GPATCH2: variants seen among roughly 807,000 people sequenced by gnomAD.
GPATCH2 encodes the protein G-patch domain containing 2, also known as G patch domain-containing protein 2.
GPATCH2 carries 51 observed loss-of-function variants against 58.0 expected under a neutral mutation model. That is an observed-to-expected ratio of 0.88 (90% CI 0.70 to 1.11). The LOEUF is 1.11. Among genes scored for constraint, GPATCH2 ranks in the 50% most tolerant of loss-of-function variants. The pLI is 0.00. For synonymous variants in GPATCH2, 222 were observed against 218.5 expected (o/e 1.02, Z -0.14); for missense variants, 625 against 652.2 (o/e 0.96, Z 0.45).
At chr1:217,441,058 A>G (rs1328468802) in intron 9 of GPATCH2, among the ~76,000 whole-genome samples, 2 of 152,180 alleles carry the variant, frequency 1.3e-5, no homozygotes, top group Admixed American at 6.5e-5. Flanking sequence ...GACAATCCTA[A>G]GCAAAAAGAA....
At chr1:217,560,460 G>C (rs1032853617) in intron 5 of GPATCH2, among the ~76,000 whole-genome samples, 3 of 152,196 alleles carry the variant, frequency 2.0e-5, no homozygotes, top group African/African-American at 7.2e-5. Context: ...AAAAAACCCA[G>C]TTTTTCCATT....
chr1:217,585,494 C>A (rs1420103941), intron 5 of GPATCH2, among the ~76,000 whole-genome samples: 1 of 152,084 alleles, frequency 6.6e-6, no homozygotes, highest in Non-Finnish European at 1.5e-5. Flanking sequence ...GTGGCACACT[C>A]CTGTAGTTCC....
chr1:217,497,268 T>C (rs1392952559), intron 7 of GPATCH2, among the ~76,000 whole-genome samples: 1 of 152,158 alleles, frequency 6.6e-6, no homozygotes, highest in Non-Finnish European at 1.5e-5. Context: ...ATTTTTGTAT[T>C]GTAAATAATA....
intron 9 of GPATCH2, among the ~76,000 whole-genome samples, chr1:217,434,823 T>C (rs982511660): frequency 6.6e-6 from 1 of 152,226 alleles, no homozygotes; most frequent in African/African-American, 2.4e-5. Context: ...CATACTCTCA[T>C]GCTTTTGTTT....
rs182513525 is a variant in GPATCH2 at position 217,468,804 on chromosome 1, G to A, written c.1278-19467C>T. On this transcript the variant is annotated intron_variant, in intron 8 of 9. Coordinates refer to ENST00000366935, the MANE Select transcript of GPATCH2 (RefSeq NM_018040.5). ...GAAACACACTGATGTATTTCAGTGG[G>A]GATACAGATGAAACAGGGTTTGCCA... is the stretch of plus-strand genomic sequence containing the variant. Among the ~76,000 whole-genome samples the A allele has an allele frequency of 1.1e-4, 16 of 151,540 alleles. No homozygotes were observed. In the East Asian group the frequency reaches 2.9e-3, roughly 28 times the overall value.
chr1:217,620,671 G>A (rs1669141540), intron 1 of GPATCH2, among the ~76,000 whole-genome samples, 172 bp from the exon 2 acceptor site: 1 of 152,000 alleles, frequency 6.6e-6, no homozygotes, highest in Admixed American at 6.6e-5. Flanking sequence ...TTCATTTTAG[G>A]CCTCTTCTTA....
intron 1 of GPATCH2, among the ~76,000 whole-genome samples, chr1:217,623,585 T>C (rs747318923): frequency 3.3e-5 from 5 of 152,140 alleles, no homozygotes; most frequent in African/African-American, 9.7e-5. Context: ...TGACTTTATG[T>C]TGCTTCTCTC....
intron 5 of GPATCH2, among the ~76,000 whole-genome samples, chr1:217,603,901 G>T (rs113009314): frequency 0.093 from 14,150 of 152,028 alleles, 974 homozygotes; most frequent in African/African-American, 0.19. Context: ...GTGATTATAG[G>T]TGTGAGCCAC....
At chr1:217,469,030 G>A (rs1397267479) in intron 8 of GPATCH2, among the ~76,000 whole-genome samples, 1 of 152,076 alleles carries the variant, frequency 6.6e-6, no homozygotes, top group Non-Finnish European at 1.5e-5. Flanking sequence ...CTTCATGAAA[G>A]AGACTCTTCA....
At chr1:217,567,044 GGC>G (rs1666274304) in intron 5 of GPATCH2, among the ~76,000 whole-genome samples, 5 of 108,558 alleles carry the variant, frequency 4.6e-5, no homozygotes, top group East Asian at 1.7e-3. Flanking sequence ...TATAACTTCT[GGC>G]TTTTTTTTTT....
At chr1:217,553,713 A>T (rs1227574814) in intron 5 of GPATCH2, among the ~76,000 whole-genome samples, 1 of 152,222 alleles carries the variant, frequency 6.6e-6, no homozygotes, top group African/African-American at 2.4e-5. Flanking sequence ...ACATGATTCA[A>T]GGTTTCGATT....
intron 5 of GPATCH2, among the ~76,000 whole-genome samples, chr1:217,577,492 G>T (rs1666859826): frequency 6.6e-6 from 1 of 152,086 alleles, no homozygotes; most frequent in African/African-American, 2.4e-5. Context: ...GTAGTGTGAG[G>T]TTAAATGAGC....
Position 217,601,736 on chromosome 1 carries a change from C to A in GPATCH2, c.1098+8585G>T, listed in dbSNP as rs541525173. On this transcript the variant is annotated intron_variant, in intron 5 of 9. Transcript: ENST00000366935. Reference sequence around the variant, plus strand: ...AAAATTCCAGCCTGCAAATCATATTCTCTCCAATCAACTTCATATCCTATA... The same window carrying A: ...AAAATTCCAGCCTGCAAATCATATTATCTCCAATCAACTTCATATCCTATA... 8.5e-5 allele frequency among the ~76,000 whole-genome samples: 13 copies of A among 152,264 alleles called. No individual in the cohort carries two copies. The South Asian group carries it at 2.7e-3, about 32-fold the overall frequency.
chr1:217,577,651 G>T (rs775628912), intron 5 of GPATCH2, among the ~76,000 whole-genome samples: 1 of 152,114 alleles, frequency 6.6e-6, no homozygotes, highest in Non-Finnish European at 1.5e-5. Flanking sequence ...AATTCCTGAG[G>T]TACTAACAGG....
chr1:217,598,217 C>T (rs1270483797), intron 5 of GPATCH2, among the ~76,000 whole-genome samples: 2 of 151,934 alleles, frequency 1.3e-5, no homozygotes, highest in East Asian at 3.9e-4. Context: ...GAAACCCTGA[C>T]TCTACTAAAA....
At chr1:217,505,372 T>A (rs988885843) in intron 6 of GPATCH2, among the ~76,000 whole-genome samples, 1 of 150,388 alleles carries the variant, frequency 6.6e-6, no homozygotes, top group Non-Finnish European at 1.5e-5. Context: ...TAGAAATAAT[T>A]TTTTTTTTAA....
intron 5 of GPATCH2, among the ~76,000 whole-genome samples, chr1:217,575,355 A>T (rs1013765321): frequency 1.1e-4 from 16 of 152,142 alleles, no homozygotes; most frequent in Non-Finnish European, 1.9e-4. Context: ...AGATTAGCAC[A>T]CTCAACCATT....
intron 1 of GPATCH2, among the ~76,000 whole-genome samples, chr1:217,624,207 A>G (rs1431065800): frequency 1.3e-5 from 2 of 152,056 alleles, no homozygotes; most frequent in Non-Finnish European, 2.9e-5. Context: ...AAGCTGCTTC[A>G]CTAACATCCC....
At chr1:217,451,981 TG>T (rs1291892709) in intron 8 of GPATCH2, among the ~76,000 whole-genome samples, 1 of 152,230 alleles carries the variant, frequency 6.6e-6, no homozygotes, top group South Asian at 2.1e-4. Flanking sequence ...TAGTTCAGGA[TG>T]CCTGCAGAGC....
Sources: allele counts gnomAD v4.1 joint callset (sites outside exome capture counted in the v4.1 genomes callset), GRCh38; gene constraint gnomAD v4.1.1; transcripts MANE v1.5; gene names NCBI Gene and HGNC (gene_info 2026-07-23, HGNC 2026-07-21).